GNG5: variants seen among roughly 807,000 people sequenced by gnomAD.
GNG5 encodes the protein G protein subunit gamma 5.
In GNG5, 2 loss-of-function variants were observed where a neutral mutation model predicts 6.2. The ratio of observed to expected loss-of-function variants is 0.32; its 90% CI spans 0.13 to 1.01. GNG5 has a LOEUF of 1.01. Ranked by LOEUF, GNG5 falls within the 50% of genes least tolerant of loss-of-function variation. The probability of loss-of-function intolerance (pLI) is 0.48; values close to 1 mark genes in which losing one functional copy is unlikely to be tolerated. For synonymous variants in GNG5, 24 were observed against 33.0 expected (o/e 0.73, Z 0.93); for missense variants, 57 against 80.2 (o/e 0.71, Z 1.10).
At chr1:84,501,004 G>A (rs1682046622) in intron 3 of GNG5, among the ~76,000 whole-genome samples, 1 of 152,118 alleles carries the variant, frequency 6.6e-6, no homozygotes, top group African/African-American at 2.4e-5. Context: ...ATAAAAGGCA[G>A]CACCCTTCAG....
intron 2 of GNG5, among the ~76,000 whole-genome samples, chr1:84,504,292 G>C (rs541522231): frequency 1.3e-5 from 2 of 152,272 alleles, no homozygotes; most frequent in African/African-American, 2.4e-5. Context: ...AAGTACAAAA[G>C]GGGATGCTCC....
chr1:84,505,628 A>T (rs1278954670), intron 2 of GNG5, among the ~76,000 whole-genome samples: 3 of 152,226 alleles, frequency 2.0e-5, no homozygotes, highest in East Asian at 1.9e-4. Flanking sequence ...TCCGATGAGA[A>T]ACAGGAGGCT....
chr1:84,499,422 A>G (rs34083930), intron 3 of GNG5, among the ~76,000 whole-genome samples: 1 of 152,228 alleles, frequency 6.6e-6, no homozygotes, highest in African/African-American at 2.4e-5. Context: ...GATATCAAGT[A>G]CAACGTTGTA....
At chr1:84,505,148 G>A (rs1023064710) in intron 2 of GNG5, among the ~76,000 whole-genome samples, 1 of 152,154 alleles carries the variant, frequency 6.6e-6, no homozygotes. Flanking sequence ...CCAGAAAGAA[G>A]CCAATCCATT....
chr1:84,500,890 G>A (rs1682044603), intron 3 of GNG5, among the ~76,000 whole-genome samples: 1 of 152,110 alleles, frequency 6.6e-6, no homozygotes, highest in South Asian at 2.1e-4. Context: ...TAAGGGGTGT[G>A]TGCCATATAC....
chr1:84,506,186 G>A lies in GNG5; in HGVS notation c.-95C>T, dbSNP rs1240182408. ...ACTCAGCGGCGCGCGGCGGGGGCGGGGCTCCGAACTTTGTCTCTAAGTTTC... is the reference window on the plus strand; with the variant it reads ...ACTCAGCGGCGCGCGGCGGGGGCGGAGCTCCGAACTTTGTCTCTAAGTTTC... On this transcript the variant is annotated 5_prime_UTR_variant, in exon 2 of 4. Transcript: ENST00000370645. 2 of 982,210 alleles carry A rather than the reference G, an allele frequency of 2.0e-6. No homozygotes were observed. The highest frequency in any genetic ancestry group is 1.9e-5 in the South Asian group (1 of 53,690). The allele number at this position is 982,210 out of a possible 1,614,324, so 60.8% of individuals were successfully genotyped here.
At chr1:84,502,974 CTGTATA>C (rs1163772888) in intron 2 of GNG5, among the ~76,000 whole-genome samples, 1 of 152,208 alleles carries the variant, frequency 6.6e-6, no homozygotes, top group Non-Finnish European at 1.5e-5. Context: ...TTGGGTGGCT[CTGTATA>C]TGTATATTAA....
chr1:84,500,366 C>T (rs1311594257), intron 3 of GNG5, among the ~76,000 whole-genome samples: 1 of 152,164 alleles, frequency 6.6e-6, no homozygotes, highest in Non-Finnish European at 1.5e-5. Context: ...CATTATTTTA[C>T]CTTCTGGGTT....
At chr1:84,499,678 TGTC>T (rs770006795) in intron 3 of GNG5, among the ~76,000 whole-genome samples, 9 of 152,228 alleles carry the variant, frequency 5.9e-5, no homozygotes, top group Non-Finnish European at 1.2e-4. Flanking sequence ...TCAATAAGCC[TGTC>T]GTCTTATCTG....
intron 3 of GNG5, among the ~76,000 whole-genome samples, chr1:84,500,164 T>C (rs373381330): frequency 6.6e-6 from 1 of 152,330 alleles, no homozygotes; most frequent in Non-Finnish European, 1.5e-5. Flanking sequence ...AGGTGGGCAG[T>C]TGTAAGAAAT....
intron 2 of GNG5, chr1:84,503,912 G>C (rs1013834228): frequency 5.9e-5 from 9 of 152,206 alleles, no homozygotes; most frequent in African/African-American, 1.9e-4. Context: ...AATGACAAGA[G>C]ATCCAGCCAA....
Position 84,506,211 on chromosome 1 carries a change from C to T in GNG5, c.-120G>A. 2.7e-6 allele frequency: 2 copies of T among 734,576 alleles called. No homozygotes were observed. The highest frequency in any genetic ancestry group is 4.1e-6 in the Non-Finnish European group (2 of 486,092). 45.5% of individuals were successfully genotyped at this position (734,576 alleles called of 1,614,324 possible). A position where few individuals can be genotyped will look rare whatever the true frequency, so the allele number is the denominator to read the frequency against. On this transcript the variant is annotated 5_prime_UTR_variant, in exon 2 of 4. Coordinates refer to ENST00000370645, the MANE Select transcript of GNG5 (RefSeq NM_005274.3). Reference sequence around the variant, plus strand: ...GGCTCCGAACTTTGTCTCTAAGTTTCCGGTTCTGTGCTCAGCGGCTCCACC... The same window carrying T: ...GGCTCCGAACTTTGTCTCTAAGTTTTCGGTTCTGTGCTCAGCGGCTCCACC...
intron 3 of GNG5, 118 bp downstream of exon 3, chr1:84,501,708 T>TA (rs1682060538): frequency 1.6e-6 from 1 of 633,520 alleles, no homozygotes; most frequent in Non-Finnish European, 2.8e-6. Flanking sequence ...AACAGAAAAA[T>TA]ACTGGAAATG....
intron 2 of GNG5, chr1:84,503,496 T>C (rs996650842): frequency 6.6e-5 from 10 of 152,232 alleles, no homozygotes; most frequent in African/African-American, 2.4e-4. Context: ...GTAAAAGAAG[T>C]ATTTTTACAA....
chr1:84,498,728 T>C (rs1681991995), intron 3 of GNG5, among the ~76,000 whole-genome samples, 180 bp from the exon 4 acceptor site: 1 of 152,224 alleles, frequency 6.6e-6, no homozygotes, highest in Non-Finnish European at 1.5e-5. Flanking sequence ...TCCTGTTTTA[T>C]AAACAGACTT....
At chr1:84,502,592 A>G (rs1682081297) in intron 2 of GNG5, among the ~76,000 whole-genome samples, 1 of 152,224 alleles carries the variant, frequency 6.6e-6, no homozygotes, top group African/African-American at 2.4e-5. Flanking sequence ...TATTAATAAT[A>G]GGCTGTTCAA....
intron 3 of GNG5, among the ~76,000 whole-genome samples, chr1:84,499,956 G>T (rs184849684): frequency 3.7e-4 from 56 of 152,310 alleles, no homozygotes; most frequent in Admixed American, 3.5e-3. Context: ...GTAGCCGGGC[G>T]TGGTGGTGTG....
At chr1:84,501,452 T>C (rs1682055214) in intron 3 of GNG5, among the ~76,000 whole-genome samples, 1 of 151,798 alleles carries the variant, frequency 6.6e-6, no homozygotes, top group African/African-American at 2.4e-5. Context: ...TTGCAGATTT[T>C]TTAAAAACTG....
chr1:84,505,121 T>C (rs1383945787), intron 2 of GNG5, among the ~76,000 whole-genome samples: 1 of 152,228 alleles, frequency 6.6e-6, no homozygotes, highest in Non-Finnish European at 1.5e-5. Context: ...GTTTCACATG[T>C]AGCCTGACCT....
Sources: gnomAD v4.1 joint callset for allele counts (sites outside exome capture counted in the v4.1 genomes callset) on GRCh38, gnomAD v4.1.1 for gene constraint, MANE v1.5 for transcripts, NCBI Gene and HGNC (gene_info 2026-07-23, HGNC 2026-07-21) for gene names.